Variants in GNB5 observed in about 807,000 individuals in gnomAD.
GNB5 encodes the protein G protein subunit beta 5.
A neutral mutation model predicts 55.3 loss-of-function variants in GNB5; 37 were observed. That is an observed-to-expected ratio of 0.67 (90% CI 0.51 to 0.88). The LOEUF is 0.88. Among genes scored for constraint, GNB5 ranks in the 40% least tolerant of loss-of-function variants. The pLI, the probability that GNB5 is intolerant of heterozygous loss-of-function variation, is 0.00. For synonymous variants in GNB5, 219 were observed against 198.5 expected (o/e 1.10, Z -0.87); for missense variants, 476 against 515.3 (o/e 0.92, Z 0.74).
At chr15:52,165,838 T>C (rs995776157) in intron 3 of GNB5, among the ~76,000 whole-genome samples, 1 of 152,116 alleles carries the variant, frequency 6.6e-6, no homozygotes, top group Non-Finnish European at 1.5e-5. Flanking sequence ...AATTCACACA[T>C]AACAATATTA....
chr15:52,129,131 T>C (rs2033511278), intron 9 of GNB5, among the ~76,000 whole-genome samples: 2 of 152,066 alleles, frequency 1.3e-5, no homozygotes, highest in African/African-American at 4.8e-5. Context: ...AATTTTTGTA[T>C]TTTTAGTAGA....
intron 7 of GNB5, chr15:52,136,883 T>G (rs2033738014): frequency 7.3e-6 from 3 of 411,684 alleles, no homozygotes. Flanking sequence ...GTTACTATGT[T>G]AAACCATATT....
At chr15:52,159,197 T>C (rs1056403583) in intron 3 of GNB5, among the ~76,000 whole-genome samples, 8 of 152,166 alleles carry the variant, frequency 5.3e-5, no homozygotes, top group Admixed American at 3.3e-4. Context: ...TGTACACCCA[T>C]GACAGAGCTC....
intron 4 of GNB5, among the ~76,000 whole-genome samples, chr15:52,153,529 A>G (rs1271023340): frequency 6.6e-6 from 1 of 152,216 alleles, no homozygotes; most frequent in Non-Finnish European, 1.5e-5. Context: ...ATGATTTTTA[A>G]AATTGTATTT....
chr15:52,142,462 ATTTGT>A (rs896147780), intron 6 of GNB5, among the ~76,000 whole-genome samples: 1 of 151,730 alleles, frequency 6.6e-6, no homozygotes, highest in Non-Finnish European at 1.5e-5. Flanking sequence ...ACACCCATAA[ATTTGT>A]TTTTTTTTCT....
chr15:52,122,422 A>G lies in GNB5; in HGVS notation c.*335T>C. The stretch of plus-strand genomic sequence containing the variant: ...AAATGAATTGATTCAAAGAAATAAT[A>G]TGGAATATATTAACTGCTGAATTCT... On this transcript the variant is annotated 3_prime_UTR_variant, in exon 13 of 13. Transcript: ENST00000261837. The G allele has an allele frequency of 3.8e-6, 1 of 262,992 alleles. No homozygotes were observed. Among genetic ancestry groups the G allele is most frequent in the Non-Finnish European group, 7.2e-6 (1 of 138,306 alleles). 16.3% of individuals were successfully genotyped at this position (262,992 alleles called of 1,614,324 possible). A position where few individuals can be genotyped will look rare whatever the true frequency, so the allele number is the denominator to read the frequency against.
chr15:52,123,321 C>A (rs1393966206), intron 12 of GNB5, among the ~76,000 whole-genome samples: 1 of 151,820 alleles, frequency 6.6e-6, no homozygotes, highest in Non-Finnish European at 1.5e-5. Flanking sequence ...TTGTTCGAAA[C>A]CCTCCCCCAC....
intron 11 of GNB5, chr15:52,125,038 G>A (rs974356443): frequency 1.2e-5 from 2 of 161,258 alleles, no homozygotes; most frequent in Non-Finnish European, 2.7e-5. Context: ...CTTGAGGGTT[G>A]AATCGGAGTC....
rs2141172492 is a variant in GNB5 at position 52,115,858 on chromosome 15, A to T, written c.*6899T>A. 1 of 152,250 alleles carries T rather than the reference A, an allele frequency of 6.6e-6. No individual in the cohort carries two copies. Among genetic ancestry groups the T allele is most frequent in the East Asian group, 1.9e-4 (1 of 5,192 alleles). 9.4% of individuals were successfully genotyped at this position (152,250 alleles called of 1,614,324 possible). ...TCACTCCTCACCCTAGCCCTAAGTG[A>T]CCACCAATCTGCTTTTTGTCTTTAT... On this transcript the variant is annotated 3_prime_UTR_variant, in exon 13 of 13. Coordinates refer to ENST00000261837, the MANE Select transcript of GNB5 (RefSeq NM_016194.4).
At chr15:52,149,800 C>T (rs773692075) in intron 5 of GNB5, 84 bp downstream of exon 5, 3 of 979,280 alleles carry the variant, frequency 3.1e-6, no homozygotes, top group African/African-American at 1.6e-5. Context: ...GAAATCAGGA[C>T]AGGGCCGGGC....
At chr15:52,159,028 A>T (rs1165781097) in intron 3 of GNB5, among the ~76,000 whole-genome samples, 1 of 152,178 alleles carries the variant, frequency 6.6e-6, no homozygotes, top group Admixed American at 6.5e-5. Flanking sequence ...GGTGAGTCAG[A>T]TGAGAGGAGG....
At chr15:52,182,481 T>C (rs1399270887) in intron 2 of GNB5, among the ~76,000 whole-genome samples, 1 of 152,216 alleles carries the variant, frequency 6.6e-6, no homozygotes, top group Non-Finnish European at 1.5e-5. Flanking sequence ...GCCTCCAACC[T>C]GGAGAGTCAA....
At chr15:52,150,770 C>A (rs921026876) in intron 4 of GNB5, among the ~76,000 whole-genome samples, 1 of 152,206 alleles carries the variant, frequency 6.6e-6, no homozygotes, top group Non-Finnish European at 1.5e-5. Flanking sequence ...TCCATGTGAG[C>A]CCTGGTCCCT....
rs1022286761 is a variant in GNB5 at position 52,124,608 on chromosome 15, G to A, written c.1041C>T (p.Tyr347=). Residue 347 remains tyrosine, a synonymous_variant, in exon 12 of 13, where the codon TAC becomes TAT. Transcript: ENST00000261837. ...GRLLFAGYND[Y]TINVWDVLKG... ...TGAGAACATCCCAGACGTTGATAGT[G>A]TAATCATTGTATCCAGCAAACAGCA... is the stretch of plus-strand genomic sequence containing the variant. 1.9e-6 allele frequency: 3 copies of A among 1,614,062 alleles called. No homozygotes were observed. Among genetic ancestry groups the A allele is most frequent in the Non-Finnish European group, 2.5e-6 (3 of 1,179,902 alleles).
intron 7 of GNB5, among the ~76,000 whole-genome samples, chr15:52,139,216 T>C (rs1057003495): frequency 6.6e-6 from 1 of 152,152 alleles, no homozygotes; most frequent in Non-Finnish European, 1.5e-5. Context: ...CAAAGGCAAG[T>C]GGATTGCTTG....
rs368627368 is a variant in GNB5, at chr15:52,184,628, A to T, written c.49T>A (p.Cys17Ser). Residue 17 changes from cysteine (C) to serine (S), a missense_variant, in exon 2 of 13, where the codon TGT (cysteine) becomes AGT (serine). Physicochemically the swap from Cys to Ser is moderately radical, Grantham distance 112. Transcript: ENST00000261837. ...LVNVFGSCDK[C>S]FKQRALRPVF... ...GGTCTCAGAGCTCGTTGTTTGAAAC[A>T]TTTGTCACATGAGCCAAATACATTA... 1.5e-5 allele frequency: 25 copies of T among 1,613,018 alleles called. No homozygotes were observed. Among genetic ancestry groups the T allele is most frequent in the Non-Finnish European group, 2.1e-5 (25 of 1,179,066 alleles).
intron 10 of GNB5, 85 bp from the exon 11 acceptor site, chr15:52,126,129 T>G: frequency 1.5e-6 from 1 of 681,704 alleles, no homozygotes; most frequent in Non-Finnish European, 2.7e-6. Context: ...TAGGTGCTAG[T>G]GACTTGCGTA....
intron 3 of GNB5, among the ~76,000 whole-genome samples, chr15:52,168,933 C>T (rs757037618): frequency 2.0e-5 from 3 of 152,202 alleles, no homozygotes; most frequent in Non-Finnish European, 2.9e-5. Flanking sequence ...AAGACTGAAA[C>T]TGGACCCCTT....
At position 52,142,641 on chromosome 15, in the gene GNB5, C is replaced by T. The variant is rs1264281656; in HGVS notation, c.495-1369G>A. On this transcript the variant is annotated intron_variant, in intron 6 of 12. Transcript: ENST00000261837. Reference sequence around the variant, plus strand: ...TTCTAGAACAAGAAAATATCCTAGCCTCACTTTATTCTTTTCCTCCCAAAG... The same window carrying T: ...TTCTAGAACAAGAAAATATCCTAGCTTCACTTTATTCTTTTCCTCCCAAAG... Among the ~76,000 whole-genome samples, 7 of 152,050 alleles carry T rather than the reference C, an allele frequency of 4.6e-5. No homozygotes were observed. In the East Asian group the frequency reaches 1.4e-3, roughly 29 times the overall value.
Sources: allele counts gnomAD v4.1 joint callset (sites outside exome capture counted in the v4.1 genomes callset), GRCh38; gene constraint gnomAD v4.1.1; transcripts MANE v1.5; gene names NCBI Gene and HGNC (gene_info 2026-07-23, HGNC 2026-07-21).